The following POLR3B variants were observed in gnomAD, a reference collection of about 807,000 sequenced individuals.
The protein encoded by POLR3B is DNA-directed RNA polymerase III subunit RPC2.
A neutral mutation model predicts 147.4 loss-of-function variants in POLR3B; 96 were observed. The ratio of observed to expected loss-of-function variants is 0.65; its 90% CI spans 0.55 to 0.77. The LOEUF (loss-of-function observed/expected upper bound fraction) is 0.77. Among genes scored for constraint, POLR3B ranks in the 30% least tolerant of loss-of-function variants. POLR3B has a pLI of 0.00. For missense variants in POLR3B, 1,036 were observed against 1,413.5 expected (o/e 0.73, Z 4.28); for synonymous variants, 461 against 485.9 (o/e 0.95, Z 0.67).
intron 23 of POLR3B, among the ~76,000 whole-genome samples, chr12:106,489,508 G>A (rs2038381830): frequency 6.6e-6 from 1 of 152,064 alleles, no homozygotes; most frequent in Non-Finnish European, 1.5e-5. Flanking sequence ...TTAAGATTTT[G>A]ATTGAATGTT....
Position 106,433,828 on chromosome 12 carries a change from AGATC to A in POLR3B, c.1741_1744del (p.Arg581ValfsTer16). On this transcript the variant is annotated frameshift_variant, in exon 16 of 28. Coordinates refer to ENST00000228347, the MANE Select transcript of POLR3B (RefSeq NM_018082.6). LOFTEE classifies it high-confidence loss of function. The stretch of plus-strand genomic sequence containing the variant: ...TTGTTTCCATCTCAACAAATCTTAC[AGATC>A]GATGTGTCTATATTTCTTCTGATGG... 1 of 1,613,626 alleles carries A rather than the reference AGATC, an allele frequency of 6.2e-7. No individual in the cohort carries two copies. Among genetic ancestry groups the A allele is most frequent in the Non-Finnish European group, 8.5e-7 (1 of 1,179,606 alleles).
At chr12:106,432,802 GT>G (rs954917630) in intron 15 of POLR3B, among the ~76,000 whole-genome samples, 1 of 152,154 alleles carries the variant, frequency 6.6e-6, no homozygotes, top group African/African-American at 2.4e-5. Flanking sequence ...AAATATTGGA[GT>G]CATTCTGCAA....
intron 23 of POLR3B, among the ~76,000 whole-genome samples, chr12:106,489,604 A>T (rs2038382990): frequency 6.6e-6 from 1 of 152,228 alleles, no homozygotes; most frequent in African/African-American, 2.4e-5. Context: ...TGTGGGAAGT[A>T]AGAAAATGGT....
chr12:106,450,812 G>C (rs984364727), intron 19 of POLR3B, among the ~76,000 whole-genome samples: 1 of 152,080 alleles, frequency 6.6e-6, no homozygotes, highest in Non-Finnish European at 1.5e-5. Context: ...CTATACCCTT[G>C]CCAAACAACC....
At chr12:106,449,928 G>A (rs151031908) in intron 19 of POLR3B, among the ~76,000 whole-genome samples, 213 of 152,260 alleles carry the variant, frequency 1.4e-3, no homozygotes, top group Admixed American at 2.6e-3. Context: ...GGAATCAGGG[G>A]TAGATTTTTG....
chr12:106,422,892 T>C (rs2037390229), intron 12 of POLR3B, among the ~76,000 whole-genome samples: 1 of 152,322 alleles, frequency 6.6e-6, no homozygotes, highest in East Asian at 1.9e-4. Flanking sequence ...GTAGATCAAT[T>C]TGGAGAAGAT....
At chr12:106,438,649 C>T (rs2037610644) in intron 18 of POLR3B, among the ~76,000 whole-genome samples, 1 of 152,150 alleles carries the variant, frequency 6.6e-6, no homozygotes, top group Admixed American at 6.5e-5. Flanking sequence ...CATGAGCCAC[C>T]ATGCCCAGCC....
chr12:106,389,945 G>C lies in POLR3B; in HGVS notation c.724-3086G>C, dbSNP rs187329956. On this transcript the variant is annotated intron_variant, in intron 9 of 27. Transcript: ENST00000228347. ...CTGGGCGCGGTGGCTTTGGCCAGGC[G>C]TGGTGACTTACACCTGTAATCCCAG... Among the ~76,000 whole-genome samples the C allele has an allele frequency of 9.4e-4, 143 of 152,250 alleles. 1 individual carries two copies. Among genetic ancestry groups the C allele is most frequent in the South Asian group, 7.3e-3 (35 of 4,818 alleles).
chr12:106,505,884 G>T (rs899895280), intron 27 of POLR3B, among the ~76,000 whole-genome samples: 2 of 152,206 alleles, frequency 1.3e-5, no homozygotes, highest in African/African-American at 2.4e-5. Flanking sequence ...CCAATCACAA[G>T]TTGAACAAGT....
chr12:106,383,998 A>AG lies in POLR3B; in HGVS notation c.723+3859_723+3860insG, dbSNP rs1215722739. On this transcript the variant is annotated intron_variant, in intron 9 of 27. Coordinates refer to ENST00000228347, the MANE Select transcript of POLR3B (RefSeq NM_018082.6). ...ATCTCAAAAAAAAAAAAGAGAGAGA[A>AG]AAAAAAAAAGATCATTGATCACAGG... Among the ~76,000 whole-genome samples, 3 of 149,984 alleles carry AG rather than the reference A, an allele frequency of 2.0e-5. No homozygotes were observed. The East Asian group carries it at 5.9e-4, about 29-fold the overall frequency.
In POLR3B at chr12:106,444,583, A is replaced by G; in HGVS notation, c.2076A>G (p.Gln692=). 1 of 1,613,812 alleles carries G rather than the reference A, an allele frequency of 6.2e-7. No individual in the cohort carries two copies. The highest frequency in any genetic ancestry group is 1.1e-5 in the South Asian group (1 of 91,052). ...RNTYQCAMGK[Q]AMGTIGYNQR... is the part of the protein sequence containing the mutation. ...CTTATCAGTGTGCCATGGGGAAACA[A>G]GCCATGGGTAAGATTTCCTTCTTGA... Residue 692 remains glutamine (Q), a synonymous_variant, in exon 19 of 28, where the codon CAA becomes CAG. Transcript: ENST00000228347.
intron 23 of POLR3B, among the ~76,000 whole-genome samples, chr12:106,477,904 T>C (rs932467225): frequency 1.6e-5 from 2 of 121,888 alleles, no homozygotes; most frequent in African/African-American, 6.2e-5. Context: ...TTTTTTTTTT[T>C]TTTTTTTTTT....
intron 10 of POLR3B, among the ~76,000 whole-genome samples, chr12:106,400,860 A>C (rs1181863009): frequency 1.3e-5 from 2 of 152,238 alleles, no homozygotes; most frequent in African/African-American, 4.8e-5. Context: ...CTAAATGCCC[A>C]CTAGAGAAAG....
chr12:106,472,772 C>T (rs2038112215), intron 23 of POLR3B, among the ~76,000 whole-genome samples: 1 of 97,574 alleles, frequency 1.0e-5, no homozygotes, highest in African/African-American at 6.7e-5. Flanking sequence ...AGCCCTTTGT[C>T]AGATGAGTAG....
chr12:106,489,861 T>C (rs918980620), intron 23 of POLR3B, among the ~76,000 whole-genome samples: 3 of 152,190 alleles, frequency 2.0e-5, no homozygotes, highest in Non-Finnish European at 4.4e-5. Flanking sequence ...TCTGCTTTGC[T>C]TGATCCTGCT....
At chr12:106,407,829 C>CA (rs796432142) in intron 11 of POLR3B, among the ~76,000 whole-genome samples, 77 of 137,422 alleles carry the variant, frequency 5.6e-4, no homozygotes, top group East Asian at 4.6e-3. Context: ...AACTCCGACT[C>CA]AAAAAAAAAA....
At chr12:106,367,056 TTGTGC>T (rs2036545206) in intron 4 of POLR3B, among the ~76,000 whole-genome samples, 1 of 152,174 alleles carries the variant, frequency 6.6e-6, no homozygotes, top group Admixed American at 6.5e-5. Flanking sequence ...TGAGCTGAGA[TTGTGC>T]CACTGCACTC....
chr12:106,459,461 A>G, intron 22 of POLR3B, 93 bp downstream of exon 22: 1 of 777,234 alleles, frequency 1.3e-6, no homozygotes, highest in Admixed American at 1.7e-5. Context: ...CGTGTTGGAG[A>G]ACTAGAAATA....
chr12:106,397,367 A>C (rs551074937), intron 10 of POLR3B, among the ~76,000 whole-genome samples: 1 of 152,308 alleles, frequency 6.6e-6, no homozygotes, highest in South Asian at 2.1e-4. Context: ...GATATAGAAT[A>C]TTTCCTTATC....
Sources: gnomAD v4.1 joint callset for allele counts (sites outside exome capture counted in the v4.1 genomes callset) on GRCh38, gnomAD v4.1.1 for gene constraint, MANE v1.5 for transcripts, NCBI Gene and HGNC (gene_info 2026-07-23, HGNC 2026-07-21) for gene names.